SNX29: variants seen among roughly 807,000 people sequenced by gnomAD.
SNX29 encodes sorting nexin-29.
Under a neutral mutation model 102.1 loss-of-function variants are expected in SNX29, and 78 were observed. That is an observed-to-expected ratio of 0.76 (90% CI 0.64 to 0.92). The LOEUF is 0.92. Among genes scored for constraint, SNX29 ranks in the 40% least tolerant of loss-of-function variants. The pLI, the probability that SNX29 is intolerant of heterozygous loss-of-function variation, is 0.00. For synonymous variants in SNX29, 580 were observed against 414.5 expected, an observed-to-expected ratio of 1.40 and a Z score of -4.85; for missense variants, 1,280 against 1,061.7, an observed-to-expected ratio of 1.21 and a Z score of -2.86.
chr16:12,067,927 C>T (rs140452215), intron 9 of SNX29, among the ~76,000 whole-genome samples: 1 of 152,290 alleles, frequency 6.6e-6, no homozygotes, highest in African/African-American at 2.4e-5. Flanking sequence ...GTCCCTAGCC[C>T]GTTAGTTCCA....
intron 20 of SNX29, among the ~76,000 whole-genome samples, chr16:12,553,465 CCAGCCCCAGCTGCTTAGACCAGG>C (rs1253646733): frequency 6.6e-6 from 1 of 152,148 alleles, no homozygotes; most frequent in Non-Finnish European, 1.5e-5. Flanking sequence ...CCAGCTCAGA[CCAGCCCCAGCTGCTTAGACCAGG>C]CAGGGCAGGT....
At position 12,403,411 on chromosome 16, in the gene SNX29, T is replaced by C. The variant is rs1395242644; in HGVS notation, c.1956-37T>C. 3 of 1,544,452 alleles carry C rather than the reference T, an allele frequency of 1.9e-6. No individual in the cohort carries two copies. The East Asian group carries it at 7.0e-5, about 36-fold the overall frequency. On this transcript the variant is annotated intron_variant, in intron 17 of 20. Coordinates refer to ENST00000566228, the MANE Select transcript of SNX29 (RefSeq NM_032167.5). Reference sequence around the variant, plus strand: ...TTTTTTATTTTTTTGTAAGTTAAAATGTCTAATGTTGGTCTCTCTCTCTTC... The same window carrying C: ...TTTTTTATTTTTTTGTAAGTTAAAACGTCTAATGTTGGTCTCTCTCTCTTC...
In SNX29 at chr16:12,048,755, T is replaced by C. The variant is rs192582534; in HGVS notation, c.748+135T>C. 250 of 1,457,620 alleles carry C rather than the reference T, an allele frequency of 1.7e-4. 1 individual carries two copies. In the East Asian group the frequency reaches 4.9e-3, roughly 28 times the overall value. 90.3% of individuals were successfully genotyped at this position (1,457,620 alleles called of 1,614,324 possible). A position where few individuals can be genotyped will look rare whatever the true frequency, so the allele number is the denominator to read the frequency against. On this transcript the variant is annotated intron_variant, in intron 7 of 20. Transcript: ENST00000566228. Reference sequence around the variant, plus strand: ...CACTTGCGTTTTCCATTTGTGTTTCTGTTTCTCATCCTCATTCACTCTGAA... The same window carrying C: ...CACTTGCGTTTTCCATTTGTGTTTCCGTTTCTCATCCTCATTCACTCTGAA...
In SNX29 at chr16:12,571,789, T is replaced by TC; in HGVS notation, c.*3162dup. The TC allele has an allele frequency of 2.0e-6, 2 of 1,014,082 alleles. No homozygotes were observed. Among genetic ancestry groups the TC allele is most frequent in the South Asian group, 9.5e-5 (2 of 20,978 alleles). 62.8% of individuals were successfully genotyped at this position (1,014,082 alleles called of 1,614,324 possible). On this transcript the variant is annotated 3_prime_UTR_variant, in exon 21 of 21. Coordinates refer to ENST00000566228, the MANE Select transcript of SNX29 (RefSeq NM_032167.5). ...GAGACAGAACCTTCTCCGCCACTCT[T>TC]CCTGCAATCAGTGTGAAATTCCAGC...
intron 20 of SNX29, among the ~76,000 whole-genome samples, chr16:12,543,733 C>T (rs574058797): frequency 7.9e-5 from 12 of 152,342 alleles, no homozygotes; most frequent in Non-Finnish European, 1.3e-4. Context: ...TTTGGCATTG[C>T]AGTGGAGTTG....
At chr16:12,117,154 G>C (rs1297800917) in intron 11 of SNX29, among the ~76,000 whole-genome samples, 1 of 148,594 alleles carries the variant, frequency 6.7e-6, no homozygotes, top group Non-Finnish European at 1.5e-5. Context: ...GCTTCAGTGC[G>C]GACGAACCAT....
At chr16:12,337,232 A>G (rs541763717) in intron 15 of SNX29, among the ~76,000 whole-genome samples, 2 of 152,016 alleles carry the variant, frequency 1.3e-5, no homozygotes, top group African/African-American at 4.8e-5. Flanking sequence ...CACTGTCTCC[A>G]CAGTTGCTGG....
intron 8 of SNX29, chr16:12,052,745 T>C (rs2050358878): frequency 6.0e-6 from 1 of 166,006 alleles, no homozygotes; most frequent in Non-Finnish European, 1.3e-5. Context: ...TCAGAATGTG[T>C]GCCTTGAAAT....
At chr16:11,980,627 C>T (rs2055393914) in intron 1 of SNX29, among the ~76,000 whole-genome samples, 2 of 152,268 alleles carry the variant, frequency 1.3e-5, no homozygotes, top group African/African-American at 4.8e-5. Flanking sequence ...CAGTTCTCAC[C>T]AGCAGCATAT....
chr16:12,349,559 T>C (rs890842734), intron 15 of SNX29, among the ~76,000 whole-genome samples: 21 of 152,198 alleles, frequency 1.4e-4, no homozygotes, highest in Admixed American at 5.2e-4. Flanking sequence ...CATTTGGATT[T>C]CAGATTTTCA....
At position 12,096,193 on chromosome 16, in the gene SNX29, C is replaced by G. The variant is rs2052759121; in HGVS notation, c.1402+17278C>G. Among the ~76,000 whole-genome samples the G allele has an allele frequency of 6.6e-6, 1 of 152,226 alleles. No homozygotes were observed. The highest frequency in any genetic ancestry group is 1.5e-5 in the Non-Finnish European group (1 of 68,028). ...CAGATCCCTCACGCTGGGCATCTTT[C>G]TTTAAAGGGGAAACTTCCCACTGAA... On this transcript the variant is annotated intron_variant, in intron 11 of 20. Coordinates refer to ENST00000566228, the MANE Select transcript of SNX29 (RefSeq NM_032167.5). This position sits in a 1 kb window ranked among gnomAD's most constrained non-coding sequence, Gnocchi z 4.2.
chr16:12,493,654 C>T (rs1233902305), intron 19 of SNX29, among the ~76,000 whole-genome samples: 6 of 152,194 alleles, frequency 3.9e-5, no homozygotes, highest in Non-Finnish European at 5.9e-5. Flanking sequence ...TGCAGTGGCA[C>T]GATCTCGGCT....
At chr16:12,338,117 A>T (rs1365077885) in intron 15 of SNX29, among the ~76,000 whole-genome samples, 1 of 152,186 alleles carries the variant, frequency 6.6e-6, no homozygotes, top group Admixed American at 6.5e-5. Context: ...CTAATGGGTC[A>T]TCAGTGTTTT....
intron 15 of SNX29, among the ~76,000 whole-genome samples, chr16:12,298,155 G>T (rs1397765230): frequency 1.3e-5 from 2 of 152,190 alleles, no homozygotes; most frequent in African/African-American, 4.8e-5. Flanking sequence ...GGGCAACAGA[G>T]CGAGACTCTG....
intron 14 of SNX29, among the ~76,000 whole-genome samples, chr16:12,265,576 G>C (rs537643877): frequency 1.1e-4 from 16 of 151,906 alleles, no homozygotes; most frequent in African/African-American, 3.6e-4. Flanking sequence ...AAATTCTCAC[G>C]TCGGCCAGGC....
intron 20 of SNX29, among the ~76,000 whole-genome samples, chr16:12,558,274 C>G (rs1304827404): frequency 1.3e-5 from 2 of 152,124 alleles, no homozygotes; most frequent in Admixed American, 6.5e-5. Flanking sequence ...AAATGTCAGG[C>G]TGAGCCAGCT....
At chr16:12,301,562 A>T (rs1027013223) in intron 15 of SNX29, among the ~76,000 whole-genome samples, 16 of 152,136 alleles carry the variant, frequency 1.1e-4, no homozygotes, top group African/African-American at 3.6e-4. Context: ...AATCCATTGT[A>T]TTGCCCAGTT....
At chr16:12,486,907 T>C (rs1442422596) in intron 19 of SNX29, among the ~76,000 whole-genome samples, 1 of 152,136 alleles carries the variant, frequency 6.6e-6, no homozygotes, top group African/African-American at 2.4e-5. Flanking sequence ...CAGTTACTCG[T>C]TCATTTATTT....
chr16:12,477,715 A>C lies in SNX29; in HGVS notation c.2038-4A>C. On this transcript the variant is annotated splice_region_variant and splice_polypyrimidine_tract_variant and intron_variant, in intron 18 of 20. Coordinates refer to ENST00000566228, the MANE Select transcript of SNX29 (RefSeq NM_032167.5). ...AGGAATTCACATTTTCTCTTTCTTG[A>C]CAGGTCTACATCCGGATAAAAGACG... 6.2e-7 allele frequency: 1 copy of C among 1,608,032 alleles called. No individual in the cohort carries two copies. The highest frequency in any genetic ancestry group is 2.2e-5 in the East Asian group (1 of 44,804).
Sources: gnomAD v4.1 joint callset for allele counts (sites outside exome capture counted in the v4.1 genomes callset) on GRCh38, gnomAD v4.1.1 for gene constraint, Gnocchi (gnomAD v3.1) non-coding constraint, MANE v1.5 for transcripts, NCBI Gene and HGNC (gene_info 2026-07-23, HGNC 2026-07-21) for gene names.